EXOC4: variants seen among roughly 807,000 people sequenced by gnomAD.
EXOC4 encodes exocyst complex component 4, also known as SEC8-like 1.
Under a neutral mutation model 107.2 loss-of-function variants are expected in EXOC4, and 71 were observed. The observed-to-expected ratio is 0.66, with a 90% CI of 0.55 to 0.81. The LOEUF is 0.81. EXOC4 is among the 30% of genes least tolerant of loss of function. The pLI is 0.00. For missense variants in EXOC4, 1,108 were observed against 1,189.6 expected, an observed-to-expected ratio of 0.93 and a Z score of 1.01; for synonymous variants, 456 against 441.2, an observed-to-expected ratio of 1.03 and a Z score of -0.42.
At chr7:133,575,683 G>A (rs573112198) in intron 9 of EXOC4, among the ~76,000 whole-genome samples, 101 of 152,276 alleles carry the variant, frequency 6.6e-4, no homozygotes, top group Non-Finnish European at 1.3e-3. Context: ...AGCAAAGAGG[G>A]TTTAAATCAT....
At chr7:133,388,427 A>T (rs1796777045) in intron 7 of EXOC4, among the ~76,000 whole-genome samples, 1 of 152,130 alleles carries the variant, frequency 6.6e-6, no homozygotes, top group Non-Finnish European at 1.5e-5. Flanking sequence ...GGGTGGGCAG[A>T]TCACTTGAGG....
At chr7:134,070,079 C>G (rs185181876), downstream of EXOC4, among the ~76,000 whole-genome samples, 19 of 152,250 alleles carry the variant, frequency 1.2e-4, no homozygotes, top group Non-Finnish European at 2.5e-4. Flanking sequence ...GCTGAAATAC[C>G]TACACCTGAG....
intron 14 of EXOC4, among the ~76,000 whole-genome samples, chr7:133,990,292 C>G (rs1414070070): frequency 1.2e-5 from 1 of 80,580 alleles, no homozygotes; most frequent in Non-Finnish European, 2.3e-5. Context: ...CTTTTTATTT[C>G]TCAGCCTCTA....
intron 1 of EXOC4, among the ~76,000 whole-genome samples, chr7:133,262,286 A>G (rs1795171941): frequency 6.6e-6 from 1 of 151,816 alleles, no homozygotes. Flanking sequence ...GGATTGCTTG[A>G]GCTCAGGAGT....
chr7:133,442,996 T>G (rs1036193153), intron 7 of EXOC4, among the ~76,000 whole-genome samples: 2 of 152,174 alleles, frequency 1.3e-5, no homozygotes, highest in Non-Finnish European at 2.9e-5. Flanking sequence ...GTAATGACAA[T>G]GTAATCTACA....
At position 133,703,181 on chromosome 7, in the gene EXOC4, C is replaced by T. The variant is rs562339142; in HGVS notation, c.1514+73040C>T. ...CATAGTCACAGGTTAGAAGCTGTGCCAGGCACGCACCACTGTGTCTTTAGT... is the reference window on the plus strand; with the variant it reads ...CATAGTCACAGGTTAGAAGCTGTGCTAGGCACGCACCACTGTGTCTTTAGT... On this transcript the variant is annotated intron_variant, in intron 10 of 17. Coordinates refer to ENST00000253861, the MANE Select transcript of EXOC4 (RefSeq NM_021807.4). Among the ~76,000 whole-genome samples, 5 of 152,236 alleles carry T rather than the reference C, an allele frequency of 3.3e-5. No individual in the cohort carries two copies. In the South Asian group the frequency reaches 1.0e-3, roughly 32 times the overall value.
intron 14 of EXOC4, among the ~76,000 whole-genome samples, chr7:133,988,572 A>G (rs1209045025): frequency 6.6e-6 from 1 of 152,184 alleles, no homozygotes; most frequent in Non-Finnish European, 1.5e-5. Flanking sequence ...TTAATGGAAT[A>G]TACCTTCTAT....
chr7:133,757,111 A>G (rs1242955482), intron 10 of EXOC4, among the ~76,000 whole-genome samples: 1 of 152,228 alleles, frequency 6.6e-6, no homozygotes, highest in African/African-American at 2.4e-5. Context: ...GTGGCTGTTC[A>G]GATGCTTACA....
chr7:133,934,160 A>G (rs114903779), intron 13 of EXOC4, among the ~76,000 whole-genome samples: 2,370 of 152,306 alleles, frequency 0.016, 61 homozygotes, highest in African/African-American at 0.054. Flanking sequence ...CATAGTATAG[A>G]TAGATCATAA....
chr7:133,403,002 A>G (rs946743818), intron 7 of EXOC4, among the ~76,000 whole-genome samples: 1 of 149,410 alleles, frequency 6.7e-6, no homozygotes, highest in African/African-American at 2.5e-5. Flanking sequence ...ATCCTGCCTC[A>G]GCCTCCCGAG....
chr7:134,039,372 A>T (rs1042747183), intron 17 of EXOC4, among the ~76,000 whole-genome samples: 1 of 152,086 alleles, frequency 6.6e-6, no homozygotes, highest in South Asian at 2.1e-4. Flanking sequence ...ATAGATGTGA[A>T]TTTTTTCTGG....
At chr7:133,434,309 G>C (rs191974000) in intron 7 of EXOC4, among the ~76,000 whole-genome samples, 45 of 152,240 alleles carry the variant, frequency 3.0e-4, no homozygotes, top group African/African-American at 1.0e-3. Flanking sequence ...AAAGAAGGTT[G>C]TTTATTTCAA....
At chr7:133,438,504 T>A (rs1471531635) in intron 7 of EXOC4, among the ~76,000 whole-genome samples, 1 of 152,170 alleles carries the variant, frequency 6.6e-6, no homozygotes, top group Non-Finnish European at 1.5e-5. Flanking sequence ...TTATCTAATA[T>A]ACTCTGGTTT....
chr7:134,078,648 G>A, the EXOC4 span, among the ~76,000 whole-genome samples: 2 of 152,132 alleles, frequency 1.3e-5, no homozygotes, highest in Admixed American at 6.5e-5. Context: ...ATGTCCCAGT[G>A]GATGTAAATG....
intron 6 of EXOC4, among the ~76,000 whole-genome samples, chr7:133,366,643 A>C (rs1020648368): frequency 6.6e-6 from 1 of 152,208 alleles, no homozygotes; most frequent in South Asian, 2.1e-4. Flanking sequence ...GTTATAATCT[A>C]TAACACTTAC....
At chr7:133,961,592 C>T (rs1800946954) in intron 14 of EXOC4, among the ~76,000 whole-genome samples, 1 of 152,122 alleles carries the variant, frequency 6.6e-6, no homozygotes, top group Non-Finnish European at 1.5e-5. Flanking sequence ...TGCCCAGCCT[C>T]ATATCCAACT....
At position 133,415,895 on chromosome 7, in the gene EXOC4, A is replaced by C. The variant is rs12164140; in HGVS notation, c.1182+40893A>C. On this transcript the variant is annotated intron_variant, in intron 7 of 17. Coordinates refer to ENST00000253861, the MANE Select transcript of EXOC4 (RefSeq NM_021807.4). ...ACAAGTTGCAGAAATGCTTTGGTGCATGCTTACATTTTGTTGAGATCTGAC... is the reference window on the plus strand; with the variant it reads ...ACAAGTTGCAGAAATGCTTTGGTGCCTGCTTACATTTTGTTGAGATCTGAC... 2.3e-4 allele frequency among the ~76,000 whole-genome samples: 35 copies of C among 152,320 alleles called. No homozygotes were observed. The East Asian group carries it at 6.7e-3, about 29-fold the overall frequency.
chr7:133,812,217 T>C (rs562643898), intron 10 of EXOC4, among the ~76,000 whole-genome samples: 1 of 152,306 alleles, frequency 6.6e-6, no homozygotes, highest in Non-Finnish European at 1.5e-5. Flanking sequence ...TTATGTAAGA[T>C]AGTAATTCTA....
chr7:134,054,342 G>A (rs920367463), intron 17 of EXOC4, among the ~76,000 whole-genome samples: 4 of 152,088 alleles, frequency 2.6e-5, no homozygotes, highest in Non-Finnish European at 4.4e-5. Flanking sequence ...CCTGTTCTAA[G>A]GTTTCTCCCA....
Sources: gnomAD v4.1 joint callset for allele counts (sites outside exome capture counted in the v4.1 genomes callset) on GRCh38, gnomAD v4.1.1 for gene constraint, MANE v1.5 for transcripts, NCBI Gene and HGNC (gene_info 2026-07-23, HGNC 2026-07-21) for gene names.